PTPRD: variants seen among roughly 807,000 people sequenced by gnomAD.
PTPRD encodes the protein protein tyrosine phosphatase receptor type D, also known as receptor-type tyrosine-protein phosphatase delta.
In PTPRD, 34 loss-of-function variants were observed where a neutral mutation model predicts 214.5. The ratio of observed to expected loss-of-function variants is 0.16; its 90% CI spans 0.12 to 0.21. The LOEUF is 0.21. Ranked by LOEUF, PTPRD falls within the 10% of genes least tolerant of loss-of-function variation. The pLI, the probability that PTPRD is intolerant of heterozygous loss-of-function variation, is 1.00. For missense variants in PTPRD, 2,545 were observed against 2,398.7 expected, an observed-to-expected ratio of 1.06 and a Z score of -1.27; for synonymous variants, 1,128 against 845.7, an observed-to-expected ratio of 1.33 and a Z score of -5.79.
chr9:8,377,797 C>T (rs2083710465), intron 37 of PTPRD, among the ~76,000 whole-genome samples: 1 of 151,898 alleles, frequency 6.6e-6, no homozygotes, highest in Non-Finnish European at 1.5e-5. Flanking sequence ...TTTTTTGGGT[C>T]CAGCAAATAG....
intron 3 of PTPRD, among the ~76,000 whole-genome samples, chr9:10,254,033 G>C (rs1018874431): frequency 2.0e-5 from 3 of 152,182 alleles, no homozygotes; most frequent in South Asian, 4.1e-4. Context: ...ACATTTCCCC[G>C]TAATCTTAAA....
At chr9:8,997,659 A>C in intron 11 of PTPRD, among the ~76,000 whole-genome samples, 1 of 152,106 alleles carries the variant, frequency 6.6e-6, no homozygotes, top group East Asian at 1.9e-4. Context: ...AAAGTGTTCA[A>C]GTGAAAGGAA....
intron 5 of PTPRD, among the ~76,000 whole-genome samples, chr9:9,899,219 A>G (rs530288911): frequency 1.4e-4 from 21 of 152,134 alleles, no homozygotes; most frequent in Non-Finnish European, 2.6e-4. Flanking sequence ...ACCACAAAAC[A>G]GATGAAAGAA....
At chr9:8,502,135 A>G (rs2097423797) in intron 23 of PTPRD, among the ~76,000 whole-genome samples, 1 of 152,164 alleles carries the variant, frequency 6.6e-6, no homozygotes, top group African/African-American at 2.4e-5. Context: ...ATCATTTTCC[A>G]TCAAATTAAC....
In PTPRD at chr9:8,507,429, C is replaced by T. The variant is rs757372220; in HGVS notation, c.1549G>A (p.Gly517Arg). 12 of 1,613,822 alleles carry T rather than the reference C, an allele frequency of 7.4e-6. No homozygotes were observed. The Admixed American group carries it at 8.3e-5, about 11-fold the overall frequency. The change falls in exon 22 of 46, where the codon GGG becomes AGG. Residue 517 changes from glycine to arginine, a missense_variant. Coordinates refer to ENST00000381196, the MANE Select transcript of PTPRD (RefSeq NM_002839.4). ...TCTGCTTTGAAGTTTAGTGGCTGCCCTGGTACTAAAAACAGGGAGGCAATG... is the reference window on the plus strand; with the variant it reads ...TCTGCTTTGAAGTTTAGTGGCTGCCTTGGTACTAAAAACAGGGAGGCAATG... ...IQVITQTGVP[G>R]QPLNFKAEPE...
At chr9:9,782,303 A>C (rs1746793) in intron 5 of PTPRD, among the ~76,000 whole-genome samples, 1 of 151,942 alleles carries the variant, frequency 6.6e-6, no homozygotes, top group Non-Finnish European at 1.5e-5. Flanking sequence ...AATTTAAATT[A>C]TAATTTAAAA....
At chr9:8,965,160 C>A (rs1414350197) in intron 11 of PTPRD, among the ~76,000 whole-genome samples, 3 of 151,894 alleles carry the variant, frequency 2.0e-5, no homozygotes, top group African/African-American at 7.3e-5. Flanking sequence ...GGCAGATTAC[C>A]TGAGGTCAGG....
intron 12 of PTPRD, among the ~76,000 whole-genome samples, chr9:8,696,265 G>T (rs2154386372): frequency 6.6e-6 from 1 of 152,244 alleles, no homozygotes; most frequent in African/African-American, 2.4e-5. Context: ...TCTGTGGCAA[G>T]GCTCTTTCCC....
chr9:9,184,648 G>C (rs566968086), intron 9 of PTPRD, among the ~76,000 whole-genome samples: 71 of 152,110 alleles, frequency 4.7e-4, no homozygotes, highest in Non-Finnish European at 8.4e-4. Flanking sequence ...GTTTATTATA[G>C]CACTTAGCCT....
intron 3 of PTPRD, among the ~76,000 whole-genome samples, chr9:10,162,806 G>C (rs773431530): frequency 1.7e-4 from 26 of 148,738 alleles, no homozygotes; most frequent in Admixed American, 1.6e-3. Context: ...ATATTGTATA[G>C]CTTTACTTTA....
chr9:10,331,437 C>G (rs2096748800), intron 3 of PTPRD, among the ~76,000 whole-genome samples: 1 of 151,874 alleles, frequency 6.6e-6, no homozygotes, highest in African/African-American at 2.4e-5. Context: ...GGAGCAGAGG[C>G]AAACCATTTC....
At chr9:9,073,356 T>C (rs1035574465) in intron 10 of PTPRD, among the ~76,000 whole-genome samples, 4 of 152,214 alleles carry the variant, frequency 2.6e-5, no homozygotes, top group African/African-American at 9.6e-5. Flanking sequence ...ATATGGGACT[T>C]CTTTTTTTAA....
intron 3 of PTPRD, among the ~76,000 whole-genome samples, chr9:10,165,828 A>G (rs2099155668): frequency 6.6e-6 from 1 of 151,104 alleles, no homozygotes; most frequent in Non-Finnish European, 1.5e-5. Context: ...TATCATGTTT[A>G]TGTATTTGTA....
intron 4 of PTPRD, among the ~76,000 whole-genome samples, chr9:10,008,400 G>C (rs1383835598): frequency 3.3e-5 from 5 of 151,976 alleles, no homozygotes; most frequent in Admixed American, 1.3e-4. Context: ...TGACTTAAGA[G>C]TCTGAATATA....
At chr9:8,526,545 A>C (rs1029563277) in intron 17 of PTPRD, 82 bp downstream of exon 17, 4 of 1,286,924 alleles carry the variant, frequency 3.1e-6, no homozygotes, top group Non-Finnish European at 4.2e-6. Context: ...AATGACGCTG[A>C]AAACAGGACA....
intron 8 of PTPRD, among the ~76,000 whole-genome samples, chr9:9,424,025 T>C (rs1588022055): frequency 6.6e-6 from 1 of 152,178 alleles, no homozygotes; most frequent in African/African-American, 2.4e-5. Context: ...CAAATCCTAC[T>C]CTAGGAATTT....
chr9:8,364,226 A>G (rs922000006), intron 39 of PTPRD, among the ~76,000 whole-genome samples: 2 of 152,236 alleles, frequency 1.3e-5, no homozygotes, highest in South Asian at 4.1e-4. Flanking sequence ...ACACATCTAC[A>G]ATGGAATCAA....
intron 4 of PTPRD, among the ~76,000 whole-genome samples, chr9:9,994,907 A>C (rs1278429533): frequency 1.3e-5 from 2 of 152,098 alleles, no homozygotes; most frequent in African/African-American, 4.8e-5. Flanking sequence ...TGGATACTGC[A>C]TCCATGTTTT....
At chr9:9,555,316 C>T (rs1254875164) in intron 8 of PTPRD, among the ~76,000 whole-genome samples, 1 of 151,958 alleles carries the variant, frequency 6.6e-6, no homozygotes, top group African/African-American at 2.4e-5. Flanking sequence ...AATGTTCCCC[C>T]CATAATTATT....
Sources: gnomAD v4.1 joint callset for allele counts (sites outside exome capture counted in the v4.1 genomes callset) on GRCh38, gnomAD v4.1.1 for gene constraint, MANE v1.5 for transcripts, NCBI Gene and HGNC (gene_info 2026-07-23, HGNC 2026-07-21) for gene names.